PDE1A: variants seen among roughly 807,000 people sequenced by gnomAD.
PDE1A encodes dual specificity calcium/calmodulin-dependent 3',5'-cyclic nucleotide phosphodiesterase 1A.
A neutral mutation model predicts 61.7 loss-of-function variants in PDE1A; 35 were observed. The observed-to-expected ratio is 0.57, with a 90% CI of 0.43 to 0.75. The LOEUF is 0.75. PDE1A is among the 30% of genes least tolerant of loss of function. The pLI is 0.00. For synonymous variants in PDE1A, 232 were observed against 213.2 expected (o/e 1.09, Z -0.77); for missense variants, 597 against 630.6 (o/e 0.95, Z 0.57).
chr2:182,375,583 T>C (rs1172849594), intron 1 of PDE1A, among the ~76,000 whole-genome samples: 3 of 152,146 alleles, frequency 2.0e-5, no homozygotes, highest in African/African-American at 7.2e-5. Flanking sequence ...TGGGCTGGCA[T>C]TGAGTGTCTG....
At chr2:182,686,873 G>A in the PDE1A span, among the ~76,000 whole-genome samples, 6 of 152,236 alleles carry the variant, frequency 3.9e-5, no homozygotes, top group African/African-American at 1.4e-4. Flanking sequence ...CGGCACACCA[G>A]GAGATTATAT....
intron 10 of PDE1A, among the ~76,000 whole-genome samples, chr2:182,197,719 C>G (rs1240711235): frequency 6.6e-6 from 1 of 151,782 alleles, no homozygotes; most frequent in African/African-American, 2.4e-5. Flanking sequence ...TATATATGAG[C>G]CTGTTTCTGA....
the PDE1A span, among the ~76,000 whole-genome samples, chr2:182,550,984 G>C: frequency 6.6e-6 from 1 of 151,568 alleles, no homozygotes; most frequent in South Asian, 2.1e-4. Flanking sequence ...TAGTCTACCA[G>C]TGTACCCAGG....
chr2:182,387,936 C>T (rs115674634), intron 1 of PDE1A, among the ~76,000 whole-genome samples: 3,208 of 152,106 alleles, frequency 0.021, 112 homozygotes, highest in African/African-American at 0.073. Flanking sequence ...TGCTGCCTAC[C>T]GCATACTTCA....
At chr2:182,454,022 T>C (rs546337933) in intron 2 of PDE1A, among the ~76,000 whole-genome samples, 15 of 152,092 alleles carry the variant, frequency 9.9e-5, no homozygotes, top group East Asian at 1.9e-4. Context: ...GAAAACCCCA[T>C]TGTCTCAGCC....
At chr2:182,535,326 AAGAC>A in the PDE1A span, among the ~76,000 whole-genome samples, 2 of 125,652 alleles carry the variant, frequency 1.6e-5, no homozygotes, top group African/African-American at 5.1e-5. Flanking sequence ...TGTCTAGTAC[AAGAC>A]AGAGTCAGGA....
chr2:182,369,775 A>G (rs931455523), intron 1 of PDE1A, among the ~76,000 whole-genome samples: 1 of 152,242 alleles, frequency 6.6e-6, no homozygotes, highest in East Asian at 1.9e-4. Context: ...ATAAATTGGA[A>G]ATGAAGAATT....
At chr2:182,505,509 T>G (rs904123699) in intron 2 of PDE1A, among the ~76,000 whole-genome samples, 11 of 152,014 alleles carry the variant, frequency 7.2e-5, no homozygotes, top group Non-Finnish European at 1.0e-4. Flanking sequence ...GGCACTTTGA[T>G]TTTATTACTT....
chr2:182,194,392 CT>C (rs1685963269), intron 10 of PDE1A, among the ~76,000 whole-genome samples: 2 of 152,124 alleles, frequency 1.3e-5, no homozygotes, highest in Non-Finnish European at 2.9e-5. Context: ...ATATTGATCT[CT>C]CTCTCCTATC....
At chr2:182,530,231 T>C in the PDE1A span, among the ~76,000 whole-genome samples, 1 of 151,900 alleles carries the variant, frequency 6.6e-6, no homozygotes, top group African/African-American at 2.4e-5. Context: ...ACAGTATCCT[T>C]ATGAGAAACA....
the PDE1A span, among the ~76,000 whole-genome samples, chr2:182,666,355 C>T: frequency 2.0e-4 from 30 of 152,128 alleles, no homozygotes; most frequent in South Asian, 4.2e-3. Flanking sequence ...TGGTGGCTCA[C>T]GTCTGTAATC....
chr2:182,192,149 G>A (rs772227855), intron 10 of PDE1A, among the ~76,000 whole-genome samples: 1 of 152,110 alleles, frequency 6.6e-6, no homozygotes, highest in Non-Finnish European at 1.5e-5. Context: ...GAGCCACTGT[G>A]CCCAGCCACT....
chr2:182,344,613 G>T (rs1369209596), intron 1 of PDE1A, among the ~76,000 whole-genome samples: 1 of 152,090 alleles, frequency 6.6e-6, no homozygotes, highest in Non-Finnish European at 1.5e-5. Flanking sequence ...TACCAAAAGT[G>T]TATTTCTATC....
At chr2:182,668,684 C>T in the PDE1A span, among the ~76,000 whole-genome samples, 2 of 152,256 alleles carry the variant, frequency 1.3e-5, no homozygotes, top group South Asian at 4.1e-4. Context: ...TCTCGGCTGC[C>T]TGCTCCTGCC....
At chr2:182,606,655 TATAAC>T in the PDE1A span, among the ~76,000 whole-genome samples, 1 of 152,176 alleles carries the variant, frequency 6.6e-6, no homozygotes, top group Admixed American at 6.5e-5. Context: ...AAGCTTATCA[TATAAC>T]ATACCAGCAG....
the PDE1A span, among the ~76,000 whole-genome samples, chr2:182,685,862 T>C: frequency 3.9e-5 from 6 of 152,366 alleles, no homozygotes; most frequent in East Asian, 9.6e-4. Context: ...CCTCTGCTAA[T>C]TGGCAAGTGA....
chr2:182,270,547 A>C (rs1193419372), intron 1 of PDE1A, among the ~76,000 whole-genome samples: 2 of 151,716 alleles, frequency 1.3e-5, no homozygotes, highest in Non-Finnish European at 2.9e-5. Flanking sequence ...ACAGAGCATG[A>C]ATAAAACGTA....
chr2:182,527,349 T>C (rs1458128678), upstream of PDE1A, among the ~76,000 whole-genome samples: 1 of 84,076 alleles, frequency 1.2e-5, no homozygotes. Flanking sequence ...TATATATATA[T>C]ATATATATAT....
intron 2 of PDE1A, among the ~76,000 whole-genome samples, chr2:182,453,960 A>C (rs1252516569): frequency 5.9e-5 from 9 of 151,986 alleles, no homozygotes; most frequent in Non-Finnish European, 1.0e-4. Flanking sequence ...TTCAATTAGG[A>C]AAAGAGGAAG....
Sources: gnomAD v4.1 joint callset for allele counts (sites outside exome capture counted in the v4.1 genomes callset) on GRCh38, gnomAD v4.1.1 for gene constraint, MANE v1.5 for transcripts, NCBI Gene and HGNC (gene_info 2026-07-23, HGNC 2026-07-21) for gene names.